Variants in EMSY observed in about 807,000 individuals in gnomAD.
EMSY encodes BRCA2-interacting transcriptional repressor EMSY.
EMSY carries 26 observed loss-of-function variants against 134.6 expected under a neutral mutation model. The ratio of observed to expected loss-of-function variants is 0.19; its 90% CI spans 0.14 to 0.27. The LOEUF is 0.27. EMSY is among the 10% of genes least tolerant of loss of function. The pLI is 1.00. For synonymous variants in EMSY, 579 were observed against 577.8 expected, an observed-to-expected ratio of 1.00 and a Z score of -0.03; for missense variants, 1,305 against 1,611.4, an observed-to-expected ratio of 0.81 and a Z score of 3.26.
chr11:76,493,566 A>G (rs977782453), intron 8 of EMSY, among the ~76,000 whole-genome samples: 4 of 152,080 alleles, frequency 2.6e-5, no homozygotes, highest in African/African-American at 9.7e-5. Context: ...TTCTGAACCC[A>G]TGAAAACCCC....
intron 2 of EMSY, among the ~76,000 whole-genome samples, chr11:76,448,111 T>C (rs572896693): frequency 1.3e-5 from 2 of 152,198 alleles, no homozygotes; most frequent in African/African-American, 4.8e-5. Context: ...CTCATTAGTT[T>C]GTTACGTGTG....
intron 8 of EMSY, among the ~76,000 whole-genome samples, chr11:76,490,107 G>C (rs1248646817): frequency 6.6e-6 from 1 of 151,584 alleles, no homozygotes; most frequent in Non-Finnish European, 1.5e-5. Flanking sequence ...CTTGACAATT[G>C]TTTTTATTTG....
chr11:76,538,975 A>G (rs1483167691), intron 16 of EMSY, among the ~76,000 whole-genome samples: 1 of 152,170 alleles, frequency 6.6e-6, no homozygotes, highest in African/African-American at 2.4e-5. Context: ...AAACAAAAAC[A>G]AGCCAAAAAA....
chr11:76,545,649 T>C lies in EMSY; in HGVS notation c.3274-148T>C, dbSNP rs562796312. 32 of 1,006,368 alleles carry C rather than the reference T, an allele frequency of 3.2e-5. No individual in the cohort carries two copies. In the African/African-American group the frequency reaches 4.9e-4, roughly 15 times the overall value. 62.3% of individuals were successfully genotyped at this position (1,006,368 alleles called of 1,614,324 possible). A position where few individuals can be genotyped will look rare whatever the true frequency, so the allele number is the denominator to read the frequency against. The stretch of plus-strand genomic sequence containing the variant: ...TGTAAAAGTAACCAGATCCTTCCTA[T>C]CCAGCCCTCTTTTTAAAACAGCAAG... On this transcript the variant is annotated intron_variant, in intron 19 of 20. Transcript: ENST00000334736.
At chr11:76,471,335 A>G (rs1948561083) in intron 7 of EMSY, among the ~76,000 whole-genome samples, 1 of 152,092 alleles carries the variant, frequency 6.6e-6, no homozygotes, top group African/African-American at 2.4e-5. Context: ...TTTTTTACCA[A>G]CTTCCTGATA....
exon 21 of EMSY, chr11:76,550,335 T>A: frequency 2.5e-6 from 1 of 399,868 alleles, no homozygotes; most frequent in Non-Finnish European, 4.2e-6. Context: ...CAGGGGAATG[T>A]ACTTTTTTAA....
chr11:76,545,866 A>G (rs753817559), exon 20 of EMSY: 2 of 1,614,002 alleles, frequency 1.2e-6, no homozygotes, highest in African/African-American at 1.3e-5. Flanking sequence ...CCAGCCTCCC[A>G]CAGTTACAAA....
At chr11:76,456,640 A>G (rs1422836393) in intron 4 of EMSY, among the ~76,000 whole-genome samples, 1 of 152,048 alleles carries the variant, frequency 6.6e-6, no homozygotes, top group African/African-American at 2.4e-5. Context: ...CAACTTGGGG[A>G]TTATATAATA....
chr11:76,450,652 C>T (rs1947623609), intron 2 of EMSY, among the ~76,000 whole-genome samples: 1 of 151,912 alleles, frequency 6.6e-6, no homozygotes, highest in Non-Finnish European at 1.5e-5. Flanking sequence ...CTACCACCCC[C>T]AGCTGATTTT....
At chr11:76,473,181 A>G (rs540661275) in intron 8 of EMSY, among the ~76,000 whole-genome samples, 4 of 152,218 alleles carry the variant, frequency 2.6e-5, no homozygotes, top group African/African-American at 7.2e-5. Context: ...TTATATTACC[A>G]TAGGTTCTTC....
At chr11:76,542,602 G>C (rs912687563) in intron 18 of EMSY, among the ~76,000 whole-genome samples, 1 of 152,174 alleles carries the variant, frequency 6.6e-6, no homozygotes. Context: ...AGAATGTCTA[G>C]ATGAATCTAA....
exon 18 of EMSY, chr11:76,542,222 A>C (rs1236127445): frequency 6.2e-7 from 1 of 1,614,192 alleles, no homozygotes; most frequent in Non-Finnish European, 8.5e-7. Flanking sequence ...TCAGTCAGCC[A>C]TCGCTCCCAG....
intron 9 of EMSY, among the ~76,000 whole-genome samples, chr11:76,498,961 A>G (rs1949750334): frequency 6.6e-6 from 1 of 152,188 alleles, no homozygotes; most frequent in Non-Finnish European, 1.5e-5. Context: ...AACTTTGCCA[A>G]TAACTTGTTT....
At chr11:76,531,985 G>C (rs1297190061) in intron 14 of EMSY, among the ~76,000 whole-genome samples, 2 of 152,232 alleles carry the variant, frequency 1.3e-5, no homozygotes, top group Non-Finnish European at 2.9e-5. Flanking sequence ...ATATAGGCTA[G>C]AATATCATCA....
rs57143914 is a variant in EMSY at position 76,518,703 on chromosome 11, A to ATATATATATTTT, written c.1684+2392_1684+2393insATATATATTTTT. 3.6e-3 allele frequency among the ~76,000 whole-genome samples: 464 copies of ATATATATATTTT among 130,150 alleles called. 1 individual carries two copies. The highest frequency in any genetic ancestry group is 6.6e-3 in the African/African-American group (229 of 34,494). 85.4% of individuals were successfully genotyped at this position (130,150 alleles called of 152,430 possible). ...TGCGCGCATATATATATATATATATATTTTTTTTTTAATTGGGATCTAATA... is the reference window on the plus strand; with the variant it reads ...TGCGCGCATATATATATATATATATATATATATATTTTTTTTTTTTTTAATTGGGATCTAATA... On this transcript the variant is annotated intron_variant, in intron 11 of 20. Transcript: ENST00000334736.
chr11:76,505,509 G>C (rs1950039532), intron 9 of EMSY, among the ~76,000 whole-genome samples: 2 of 151,736 alleles, frequency 1.3e-5, no homozygotes, highest in Admixed American at 1.3e-4. Context: ...CCAGATAGTG[G>C]CTCTGGGGAT....
At chr11:76,491,785 C>T (rs1004444263) in intron 8 of EMSY, among the ~76,000 whole-genome samples, 1 of 151,508 alleles carries the variant, frequency 6.6e-6, no homozygotes, top group Non-Finnish European at 1.5e-5. Context: ...TACTCTGGCT[C>T]CCATGGTAAG....
rs561709376 is a variant in EMSY at position 76,452,038 on chromosome 11, A to G, written c.170+81A>G. 4 of 878,486 alleles carry G rather than the reference A, an allele frequency of 4.6e-6. No homozygotes were observed. In the African/African-American group the frequency reaches 5.3e-5, roughly 12 times the overall value. 54.4% of individuals were successfully genotyped at this position (878,486 alleles called of 1,614,324 possible). On this transcript the variant is annotated intron_variant, in intron 3 of 20. Coordinates refer to ENST00000334736, the Ensembl canonical transcript of EMSY. ...TTACTTATCACTCTCAAATTAAGTA[A>G]CTGTCAAATTAAGTTGAAGAACAGA...
intron 13 of EMSY, among the ~76,000 whole-genome samples, chr11:76,526,893 C>T (rs2136341946): frequency 6.6e-6 from 1 of 152,192 alleles, no homozygotes; most frequent in East Asian, 1.9e-4. Context: ...ATACAATTTG[C>T]TGAAGGTGTA....
Sources: allele counts gnomAD v4.1 joint callset (sites outside exome capture counted in the v4.1 genomes callset), GRCh38; gene constraint gnomAD v4.1.1; transcripts MANE v1.5; gene names NCBI Gene and HGNC (gene_info 2026-07-23, HGNC 2026-07-21).